The following RYR1 variants were observed in gnomAD, a reference collection of about 807,000 sequenced individuals.
The protein encoded by RYR1 is central core disease of muscle.
Under a neutral mutation model 583.5 loss-of-function variants are expected in RYR1, and 342 were observed. That is an observed-to-expected ratio of 0.59 (90% CI 0.54 to 0.64). RYR1 has a LOEUF of 0.64. Ranked by LOEUF, RYR1 falls within the 30% of genes least tolerant of loss-of-function variation. The pLI is 0.00. For synonymous variants in RYR1, 2,791 were observed against 2,822.5 expected, an observed-to-expected ratio of 0.99 and a Z score of 0.35; for missense variants, 6,032 against 6,917.2, an observed-to-expected ratio of 0.87 and a Z score of 4.54.
intron 1 of RYR1, among the ~76,000 whole-genome samples, chr19:38,436,792 C>G (rs1473144763): frequency 6.6e-6 from 1 of 152,054 alleles, no homozygotes; most frequent in Non-Finnish European, 1.5e-5. Flanking sequence ...TATTCTTGCT[C>G]CATTTTGCTT....
At chr19:38,529,161 G>A in intron 76 of RYR1, 104 bp downstream of exon 76, 3 of 1,146,972 alleles carry the variant, frequency 2.6e-6, no homozygotes, top group South Asian at 2.5e-5. Context: ...AGGTCCTGGG[G>A]GAGCCCAAGA....
At chr19:38,532,416 C>T in intron 76 of RYR1, 74 bp from the exon 77 acceptor site, 1 of 1,483,296 alleles carries the variant, frequency 6.7e-7, no homozygotes, top group East Asian at 2.3e-5. Context: ...AGCCACCGCA[C>T]CCTGCCCAGA....
At position 38,458,238 on chromosome 19, in the gene RYR1, G is replaced by A. The variant is rs565825739; in HGVS notation, c.2113G>A (p.Gly705Arg). 8.1e-6 allele frequency: 13 copies of A among 1,613,992 alleles called. No individual in the cohort carries two copies. Among genetic ancestry groups the A allele is most frequent in the South Asian group, 1.1e-5 (1 of 91,076 alleles). ...PGAGEGWGGN[G>R]VGDDLYSYGF... Reference sequence around the variant, plus strand: ...GGCCGGCGAGGGCTGGGGCGGCAACGGGGTCGGCGATGACCTCTATTCCTA... The same window carrying A: ...GGCCGGCGAGGGCTGGGGCGGCAACAGGGTCGGCGATGACCTCTATTCCTA... The change falls in exon 18 of 106, where the codon GGG becomes AGG. Residue 705 changes from glycine (G) to arginine (R), a missense_variant. Physicochemically the swap from Gly to Arg is moderately radical, Grantham distance 125. Coordinates refer to ENST00000359596, the MANE Select transcript of RYR1 (RefSeq NM_000540.3).
At chr19:38,541,128 C>T (rs1972171936) in intron 84 of RYR1, among the ~76,000 whole-genome samples, 1 of 152,198 alleles carries the variant, frequency 6.6e-6, no homozygotes, top group Non-Finnish European at 1.5e-5. Flanking sequence ...ACTGGCATGC[C>T]TGGGGAGCTT....
rs201501834 is a variant in RYR1 at position 38,519,220 on chromosome 19, C to T, written c.10025C>T (p.Ala3342Val). The T allele has an allele frequency of 2.0e-4, 317 of 1,614,156 alleles. 1 individual carries two copies. The highest frequency in any genetic ancestry group is 1.9e-5 in the Non-Finnish European group (23 of 1,180,022). The change falls in exon 67 of 106, where the codon GCA becomes GTA. Residue 3342 changes from alanine to valine, a missense_variant. Transcript: ENST00000359596. ...ASWMKRLAVF[A>V]QPIVSRARPE... The stretch of plus-strand genomic sequence containing the variant: ...GCCCATCGCACCCCTGCAGTGTTCG[C>T]ACAGCCCATTGTGAGCCGTGCACGG...
In RYR1 at chr19:38,528,358, A is replaced by G; in HGVS notation, c.10877A>G (p.Lys3626Arg). 4 of 1,614,056 alleles carry G rather than the reference A, an allele frequency of 2.5e-6. No homozygotes were observed. The highest frequency in any genetic ancestry group is 2.5e-6 in the Non-Finnish European group (3 of 1,179,988). The change falls in exon 74 of 106, where the codon AAA becomes AGA. Residue 3626 changes from lysine (K) to arginine (R), a missense_variant. Coordinates refer to ENST00000359596, the MANE Select transcript of RYR1 (RefSeq NM_000540.3). Reference protein sequence around the residue: ...KKAVWHKLLSKQRRRAVVACF... With the variant: ...KKAVWHKLLSRQRRRAVVACF... ...GCCGTGTGGCACAAGCTTTTGTCCA[A>G]ACAGCGCCGGCGGGCAGTCGTGGCC...
In RYR1 at chr19:38,504,270, G is replaced by C; in HGVS notation, c.7977G>C (p.Thr2659=). 1 of 1,613,602 alleles carries C rather than the reference G, an allele frequency of 6.2e-7. No homozygotes were observed. Among genetic ancestry groups the C allele is most frequent in the Non-Finnish European group, 8.5e-7 (1 of 1,179,898 alleles). The change falls in exon 50 of 106, where the codon ACG becomes ACC. Residue 2659 remains threonine (T), a synonymous_variant. Coordinates refer to ENST00000359596, the MANE Select transcript of RYR1 (RefSeq NM_000540.3). ...ERCWKYYCLP[T]GWANFGVTSE... ...GTTGGAAGTACTACTGCCTACCCAC[G>C]GGCTGGGCCAACTTCGGGGTCACCT...
At chr19:38,579,513 CTGA>C (rs1974104030) in intron 99 of RYR1, among the ~76,000 whole-genome samples, 1 of 151,014 alleles carries the variant, frequency 6.6e-6, no homozygotes, top group Non-Finnish European at 1.5e-5. Flanking sequence ...TCACTTGAAC[CTGA>C]GAGGCGGAGG....
At chr19:38,570,126 A>C (rs898517097) in intron 93 of RYR1, among the ~76,000 whole-genome samples, 2 of 152,172 alleles carry the variant, frequency 1.3e-5, no homozygotes, top group Non-Finnish European at 2.9e-5. Flanking sequence ...GCGCCACTGC[A>C]TTCGAGCCTG....
At chr19:38,477,680 G>A in intron 29 of RYR1, 30 bp from the exon 30 acceptor site, 1 of 1,613,918 alleles carries the variant, frequency 6.2e-7, no homozygotes, top group Non-Finnish European at 8.5e-7. Context: ...CTTCCAGACT[G>A]ACCACTAGTT....
intron 34 of RYR1, among the ~76,000 whole-genome samples, chr19:38,486,812 C>T (rs1411211090): frequency 6.6e-6 from 1 of 152,140 alleles, no homozygotes; most frequent in East Asian, 1.9e-4. Flanking sequence ...CTCCACCAGC[C>T]TTTCCATCCA....
intron 27 of RYR1, among the ~76,000 whole-genome samples, chr19:38,470,166 C>CA (rs543598381): frequency 0.066 from 7,542 of 113,568 alleles, 251 homozygotes; most frequent in African/African-American, 0.11. Context: ...AACTCCATCT[C>CA]AAAAAAAAAA....
At chr19:38,450,339 T>A (rs978917621) in intron 11 of RYR1, among the ~76,000 whole-genome samples, 1 of 151,808 alleles carries the variant, frequency 6.6e-6, no homozygotes, top group Non-Finnish European at 1.5e-5. Context: ...GGGGAGGGGT[T>A]GAGGATGATG....
chr19:38,520,397 C>T (rs1024752728), intron 67 of RYR1, among the ~76,000 whole-genome samples: 1 of 148,718 alleles, frequency 6.7e-6, no homozygotes, highest in Non-Finnish European at 1.5e-5. Context: ...CAACAATACA[C>T]CATGAAAGAC....
Position 38,500,794 on chromosome 19 carries a change from C to T in RYR1, c.7445-27C>T. ...GGGAGCGGCTGGGTCCGCAGGGCAT[C>T]CCCGAACCCACCCTCCCTGCCTGCA... On this transcript the variant is annotated intron_variant, in intron 46 of 105. Transcript: ENST00000359596. This position sits in a 1 kb window ranked among gnomAD's most constrained non-coding sequence, Gnocchi z 5.9. The T allele has an allele frequency of 6.2e-7, 1 of 1,613,966 alleles. No individual in the cohort carries two copies. The highest frequency in any genetic ancestry group is 1.3e-5 in the African/African-American group (1 of 75,044).
At chr19:38,464,595 G>T (rs1248245028) in intron 22 of RYR1, 44 bp from the exon 23 acceptor site, 1 of 1,515,662 alleles carries the variant, frequency 6.6e-7, no homozygotes, top group African/African-American at 1.4e-5. Flanking sequence ...GGGGCAGGGA[G>T]CTCTGAGGGG....
chr19:38,454,703 T>C (rs745549662), intron 13 of RYR1, among the ~76,000 whole-genome samples: 66 of 152,068 alleles, frequency 4.3e-4, no homozygotes, highest in Non-Finnish European at 7.6e-4. Context: ...TAACTATGAA[T>C]AATGAGAATT....
chr19:38,571,972 G>A, intron 94 of RYR1, 47 bp from the exon 95 acceptor site: 1 of 1,613,014 alleles, frequency 6.2e-7, no homozygotes, highest in Non-Finnish European at 8.5e-7. Flanking sequence ...TTGTGAGTGG[G>A]CTCTGCATGT....
intron 34 of RYR1, among the ~76,000 whole-genome samples, chr19:38,487,903 A>T (rs1294758788): frequency 6.6e-6 from 1 of 152,166 alleles, no homozygotes; most frequent in Non-Finnish European, 1.5e-5. Context: ...CAGTGTTAGG[A>T]TTACAGGCAT....
Sources: allele counts gnomAD v4.1 joint callset (sites outside exome capture counted in the v4.1 genomes callset), GRCh38; gene constraint gnomAD v4.1.1; non-coding constraint Gnocchi (gnomAD v3.1); transcripts MANE v1.5; gene names NCBI Gene and HGNC (gene_info 2026-07-23, HGNC 2026-07-21).